LRFN2: variants seen among roughly 807,000 people sequenced by gnomAD.
LRFN2 encodes the protein leucine rich repeat and fibronectin type III domain containing 2.
Under a neutral mutation model 37.3 loss-of-function variants are expected in LRFN2, and 18 were observed. That is an observed-to-expected ratio of 0.48 (90% CI 0.33 to 0.72). The LOEUF (loss-of-function observed/expected upper bound fraction) is 0.72, where lower values mean the gene tolerates loss of function less well. Ranked by LOEUF, LRFN2 falls within the 30% of genes least tolerant of loss-of-function variation. The probability of loss-of-function intolerance (pLI) is 0.02; values close to 1 mark genes in which losing one functional copy is unlikely to be tolerated. For synonymous variants in LRFN2, 556 were observed against 466.6 expected (o/e 1.19, Z -2.47); for missense variants, 1,006 against 1,060.7 (o/e 0.95, Z 0.72).
At chr6:40,565,165 T>C (rs1475221145) in intron 1 of LRFN2, among the ~76,000 whole-genome samples, 1 of 152,078 alleles carries the variant, frequency 6.6e-6, no homozygotes. Flanking sequence ...CTAACATTAA[T>C]CCAACTTACA....
At chr6:40,556,062 C>A (rs1173858123) in intron 1 of LRFN2, among the ~76,000 whole-genome samples, 1 of 152,222 alleles carries the variant, frequency 6.6e-6, no homozygotes, top group Non-Finnish European at 1.5e-5. Flanking sequence ...TGTCAGCCCA[C>A]CTGCTCTCCT....
chr6:40,575,162 T>A (rs542650188), intron 1 of LRFN2, among the ~76,000 whole-genome samples: 1 of 152,042 alleles, frequency 6.6e-6, no homozygotes, highest in Non-Finnish European at 1.5e-5. Context: ...CAGACCGCAG[T>A]GGGCAGCACG....
chr6:40,520,221 C>A (rs1433677710), intron 1 of LRFN2, among the ~76,000 whole-genome samples: 2 of 152,004 alleles, frequency 1.3e-5, no homozygotes, highest in Non-Finnish European at 2.9e-5. Flanking sequence ...GGAAGCCCAG[C>A]CCGAGAGGAG....
chr6:40,525,985 G>A (rs977571751), intron 1 of LRFN2, among the ~76,000 whole-genome samples: 1 of 152,308 alleles, frequency 6.6e-6, no homozygotes, highest in Admixed American at 6.5e-5. Flanking sequence ...GCACGAGATC[G>A]GTGCTGGGAA....
chr6:40,462,216 G>A (rs764393262), intron 1 of LRFN2, among the ~76,000 whole-genome samples: 17 of 152,328 alleles, frequency 1.1e-4, no homozygotes, highest in South Asian at 2.1e-4. Context: ...TTGCGCTCCC[G>A]TTCTTAACCC....
At chr6:40,406,421 T>G (rs753347212) in intron 2 of LRFN2, among the ~76,000 whole-genome samples, 2 of 152,202 alleles carry the variant, frequency 1.3e-5, no homozygotes, top group Non-Finnish European at 2.9e-5. Flanking sequence ...GGGGCCAGCC[T>G]GCCCGCTGAT....
In LRFN2 at chr6:40,557,429, C is replaced by T. The variant is rs1258632599; in HGVS notation, c.-19+29512G>A. 2.6e-5 allele frequency among the ~76,000 whole-genome samples: 4 copies of T among 152,130 alleles called. No individual in the cohort carries two copies. In the South Asian group the frequency reaches 8.3e-4, roughly 32 times the overall value. On this transcript the variant is annotated intron_variant, in intron 1 of 2. Transcript: ENST00000338305. Reference sequence around the variant, plus strand: ...CAAGGCTACCACTGCTGGCCTTTATCCTAGAGAGTCACAGGAAGATAAGAC... The same window carrying T: ...CAAGGCTACCACTGCTGGCCTTTATTCTAGAGAGTCACAGGAAGATAAGAC...
intron 1 of LRFN2, among the ~76,000 whole-genome samples, chr6:40,483,453 T>C (rs894020036): frequency 6.6e-6 from 1 of 151,936 alleles, no homozygotes; most frequent in Non-Finnish European, 1.5e-5. Flanking sequence ...AGGTGGGAGG[T>C]GCTTGATCTG....
chr6:40,582,879 C>T (rs1397477883), intron 1 of LRFN2, among the ~76,000 whole-genome samples: 1 of 152,094 alleles, frequency 6.6e-6, no homozygotes. Context: ...GGCAGTCAAC[C>T]CAACACTGTC....
At chr6:40,579,664 G>A (rs1581804583) in intron 1 of LRFN2, among the ~76,000 whole-genome samples, 2 of 151,684 alleles carry the variant, frequency 1.3e-5, no homozygotes, top group African/African-American at 4.8e-5. Context: ...GGCTGCACTA[G>A]AAATCAGCCA....
intron 1 of LRFN2, among the ~76,000 whole-genome samples, chr6:40,576,968 C>T (rs1389720668): frequency 1.3e-5 from 2 of 152,094 alleles, no homozygotes; most frequent in Admixed American, 1.3e-4. Flanking sequence ...TTCCTGCACC[C>T]TGACACCCCT....
chr6:40,558,794 T>A (rs1452585288), intron 1 of LRFN2, among the ~76,000 whole-genome samples: 1 of 152,232 alleles, frequency 6.6e-6, no homozygotes, highest in Non-Finnish European at 1.5e-5. Flanking sequence ...ACGTTATTAG[T>A]GCCTCCATTC....
chr6:40,478,051 G>C (rs2113861536), intron 1 of LRFN2, among the ~76,000 whole-genome samples: 1 of 152,304 alleles, frequency 6.6e-6, no homozygotes. Flanking sequence ...GGCAGCATCA[G>C]GGCGGGAAGC....
chr6:40,391,884 T>A lies in LRFN2; in HGVS notation c.*59A>T, dbSNP rs1265245042. On this transcript the variant is annotated 3_prime_UTR_variant, in exon 3 of 3. Coordinates refer to ENST00000338305, the MANE Select transcript of LRFN2 (RefSeq NM_020737.3). ...TGGAAACTCCACAAACACTTGCCAG[T>A]GAGATTCTTTCCCCTTCTCCCACCC... The A allele has an allele frequency of 2.8e-6, 4 of 1,432,256 alleles. No individual in the cohort carries two copies. The South Asian group carries it at 4.4e-5, about 16-fold the overall frequency. The allele number at this position is 1,432,256 out of a possible 1,614,324, so 88.7% of individuals were successfully genotyped here.
intron 2 of LRFN2, among the ~76,000 whole-genome samples, chr6:40,404,086 C>T (rs754170993): frequency 2.0e-5 from 3 of 152,166 alleles, no homozygotes; most frequent in Admixed American, 1.3e-4. Flanking sequence ...ATATCACGTT[C>T]TCAGCGAGGC....
intron 1 of LRFN2, among the ~76,000 whole-genome samples, chr6:40,509,218 G>T (rs1176617705): frequency 2.6e-5 from 4 of 152,220 alleles, no homozygotes; most frequent in African/African-American, 9.7e-5. Flanking sequence ...CCTCTCACTT[G>T]CTTTCTATGA....
At chr6:40,460,083 C>T (rs1335494546) in intron 1 of LRFN2, among the ~76,000 whole-genome samples, 2 of 152,228 alleles carry the variant, frequency 1.3e-5, no homozygotes, top group Non-Finnish European at 2.9e-5. Context: ...GAGAAGGTGG[C>T]TGCAACCAGG....
chr6:40,418,531 A>G lies in LRFN2; in HGVS notation c.1400+13183T>C, dbSNP rs1322418504. On this transcript the variant is annotated intron_variant, in intron 2 of 2. Transcript: ENST00000338305. ...GGTCTTGACCAGACAATAAATATTTATTGACTGAATAAATGAATATCTGGT... is the reference window on the plus strand; with the variant it reads ...GGTCTTGACCAGACAATAAATATTTGTTGACTGAATAAATGAATATCTGGT... Among the ~76,000 whole-genome samples the G allele has an allele frequency of 3.3e-5, 5 of 152,078 alleles. No individual in the cohort carries two copies. The East Asian group carries it at 9.6e-4, about 29-fold the overall frequency.
intron 1 of LRFN2, among the ~76,000 whole-genome samples, chr6:40,449,823 T>G (rs545211974): frequency 6.6e-6 from 1 of 152,198 alleles, no homozygotes; most frequent in African/African-American, 2.4e-5. Flanking sequence ...CAATTGACAT[T>G]GGTACAATGC....
Sources: allele counts gnomAD v4.1 joint callset (sites outside exome capture counted in the v4.1 genomes callset), GRCh38; gene constraint gnomAD v4.1.1; transcripts MANE v1.5; gene names NCBI Gene and HGNC (gene_info 2026-07-23, HGNC 2026-07-21).